CAST: variants seen among roughly 807,000 people sequenced by gnomAD.
The protein encoded by CAST is calpastatin.
A neutral mutation model predicts 119.6 loss-of-function variants in CAST; 76 were observed. The ratio of observed to expected loss-of-function variants is 0.64; its 90% CI spans 0.53 to 0.77. The LOEUF (loss-of-function observed/expected upper bound fraction) is 0.77. Among genes scored for constraint, CAST ranks in the 30% least tolerant of loss-of-function variants. The probability of loss-of-function intolerance (pLI) is 0.00; values close to 1 mark genes in which losing one functional copy is unlikely to be tolerated. For missense variants in CAST, 953 were observed against 946.5 expected, an observed-to-expected ratio of 1.01 and a Z score of -0.09; for synonymous variants, 319 against 331.6, an observed-to-expected ratio of 0.96 and a Z score of 0.41.
At chr5:96,573,123 G>A (rs1181172323) in intron 1 of CAST, among the ~76,000 whole-genome samples, 2 of 152,182 alleles carry the variant, frequency 1.3e-5, no homozygotes, top group Admixed American at 1.3e-4. Context: ...CCATAAGGTA[G>A]TTGTTTACCT....
At chr5:96,390,277 T>G in the CAST span, 1 of 152,240 alleles carries the variant, frequency 6.6e-6, no homozygotes, top group African/African-American at 2.4e-5. Context: ...ATGTAAACTG[T>G]CAGCTTTTCT....
At chr5:96,173,033 A>G in the CAST span, among the ~76,000 whole-genome samples, 1 of 152,254 alleles carries the variant, frequency 6.6e-6, no homozygotes, top group Non-Finnish European at 1.5e-5. Flanking sequence ...TTCTCTTACA[A>G]GTCCATGTTG....
At chr5:96,215,707 T>G in the CAST span, among the ~76,000 whole-genome samples, 1 of 152,192 alleles carries the variant, frequency 6.6e-6, no homozygotes, top group Non-Finnish European at 1.5e-5. Flanking sequence ...TTCCTCCTTC[T>G]TCTCAATCTG....
At chr5:96,593,768 A>G (rs1747005160) in intron 1 of CAST, among the ~76,000 whole-genome samples, 1 of 152,174 alleles carries the variant, frequency 6.6e-6, no homozygotes, top group Non-Finnish European at 1.5e-5. Flanking sequence ...TCTTTCCACC[A>G]TGTGGGAATC....
At chr5:96,697,294 T>G (rs1403434912) in intron 3 of CAST, among the ~76,000 whole-genome samples, 1 of 146,596 alleles carries the variant, frequency 6.8e-6, no homozygotes. Flanking sequence ...AACGTAAGCT[T>G]TTTTTTTTCT....
At chr5:96,124,299 C>A in the CAST span, among the ~76,000 whole-genome samples, 2 of 152,134 alleles carry the variant, frequency 1.3e-5, no homozygotes, top group East Asian at 3.9e-4. Flanking sequence ...TCAAGGAATC[C>A]TCCTGCCTCA....
rs377159898 is a variant in CAST, at chr5:96,616,753, T to TACACACAC, written c.61-58750_61-58743dup. Among the ~76,000 whole-genome samples the TACACACAC allele has an allele frequency of 5.5e-4, 72 of 130,832 alleles. 1 individual carries two copies. The highest frequency in any genetic ancestry group is 1.7e-3 in the African/African-American group (62 of 36,398). The allele number at this position is 130,832 out of a possible 152,430, so 85.8% of individuals were successfully genotyped here. A position where few individuals can be genotyped will look rare whatever the true frequency, so the allele number is the denominator to read the frequency against. ...CGCTCTCTCTCTCTCTCTATATATA[T>TACACACAC]ACACACACACACACACACACACACA... is the stretch of plus-strand genomic sequence containing the variant. On this transcript the variant is annotated intron_variant, in intron 1 of 11. Coordinates refer to the CAST transcript ENST00000505143.
chr5:96,763,106 T>C (rs768224621), intron 25 of CAST: 1 of 777,726 alleles, frequency 1.3e-6, no homozygotes, highest in Non-Finnish European at 2.4e-6. Context: ...TAGATGGAGA[T>C]GAAGTAACTT....
the CAST span, among the ~76,000 whole-genome samples, chr5:96,238,344 T>A: frequency 5.3e-3 from 681 of 129,564 alleles, 3 homozygotes; most frequent in Non-Finnish European, 6.6e-3. Flanking sequence ...CTTCTTCTTC[T>A]TCATCTTCAT....
At chr5:96,432,917 G>A in the CAST span, 1 of 1,613,960 alleles carries the variant, frequency 6.2e-7, no homozygotes, top group African/African-American at 1.3e-5. Context: ...CTGCTTCCGG[G>A]CCCCCGGGGA....
At chr5:96,561,796 G>GTTTTTTTGTTTTTTTTTTTTTTTT (rs1267067922) in intron 1 of CAST, among the ~76,000 whole-genome samples, 2 of 97,422 alleles carry the variant, frequency 2.1e-5, no homozygotes, top group African/African-American at 3.8e-5. Context: ...GTTTTTTTTT[G>GTTTTTTTGTTTTTTTTTTTTTTTT]TTTTTTTTTT....
the CAST span, among the ~76,000 whole-genome samples, chr5:96,261,494 T>C: frequency 2.0e-5 from 3 of 152,310 alleles, no homozygotes; most frequent in South Asian, 2.1e-4. Context: ...TGCAGAACAA[T>C]TGATCTACAA....
chr5:96,571,447 T>C (rs1746564193), intron 1 of CAST, among the ~76,000 whole-genome samples: 1 of 152,204 alleles, frequency 6.6e-6, no homozygotes, highest in Admixed American at 6.5e-5. Flanking sequence ...TTTCAAAATA[T>C]TTCATAGTTA....
chr5:96,170,732 C>T, the CAST span, among the ~76,000 whole-genome samples: 410 of 152,172 alleles, frequency 2.7e-3, 6 homozygotes, highest in Non-Finnish European at 2.3e-3. Context: ...AGAGCCTAAA[C>T]GCTAACTGAT....
chr5:96,160,927 A>T, the CAST span, among the ~76,000 whole-genome samples: 5,974 of 152,234 alleles, frequency 0.039, 374 homozygotes, highest in African/African-American at 0.13. Flanking sequence ...CTGCCTGTTA[A>T]TTACAATAAT....
At chr5:96,616,784 A>T (rs1747466633) in intron 1 of CAST, among the ~76,000 whole-genome samples, 1 of 151,704 alleles carries the variant, frequency 6.6e-6, no homozygotes, top group Non-Finnish European at 1.5e-5. Context: ...ACACACACAC[A>T]CACACACACA....
chr5:96,350,679 C>T, the CAST span, among the ~76,000 whole-genome samples: 20 of 151,954 alleles, frequency 1.3e-4, no homozygotes, highest in Non-Finnish European at 2.4e-4. Context: ...TTTTGGGGTC[C>T]CGAGATTTAT....
At chr5:96,491,457 C>G in the CAST span, among the ~76,000 whole-genome samples, 2 of 122,664 alleles carry the variant, frequency 1.6e-5, no homozygotes, top group East Asian at 2.6e-4. Context: ...CGCCACTGCA[C>G]TCCAGCCTGG....
intron 2 of CAST, chr5:96,679,182 G>T (rs1470656534): frequency 6.6e-6 from 1 of 152,100 alleles, no homozygotes; most frequent in Non-Finnish European, 1.5e-5. Flanking sequence ...GTAATAGAAT[G>T]TTGAAGCTAA....
Sources: gnomAD v4.1 joint callset for allele counts (sites outside exome capture counted in the v4.1 genomes callset) on GRCh38, gnomAD v4.1.1 for gene constraint, MANE v1.5 for transcripts, NCBI Gene and HGNC (gene_info 2026-07-23, HGNC 2026-07-21) for gene names.